The following ADAMTS19 variants were observed in gnomAD, a reference collection of about 807,000 sequenced individuals.
The protein encoded by ADAMTS19 is A disintegrin and metalloproteinase with thrombospondin motifs 19.
ADAMTS19 carries 93 observed loss-of-function variants against 153.3 expected under a neutral mutation model. The ratio of observed to expected loss-of-function variants is 0.61; its 90% confidence interval spans 0.51 to 0.72. The LOEUF (loss-of-function observed/expected upper bound fraction) is 0.72, where lower values mean the gene tolerates loss of function less well. Among genes scored for constraint, ADAMTS19 ranks in the 30% least tolerant of loss-of-function variants. The probability of loss-of-function intolerance (pLI) is 0.00; values close to 1 mark genes in which losing one functional copy is unlikely to be tolerated. For missense variants in ADAMTS19, 1,482 were observed against 1,552.1 expected, an observed-to-expected ratio of 0.95 and a Z score of 0.76; for synonymous variants, 600 against 556.6, an observed-to-expected ratio of 1.08 and a Z score of -1.10.
chr5:129,674,544 T>G (rs1344877478), intron 16 of ADAMTS19, among the ~76,000 whole-genome samples: 2 of 152,196 alleles, frequency 1.3e-5, no homozygotes, highest in Non-Finnish European at 2.9e-5. Context: ...ACTTGCTTAT[T>G]AGCTATAATT....
At chr5:129,611,973 T>G (rs1488672314) in intron 8 of ADAMTS19, among the ~76,000 whole-genome samples, 1 of 151,600 alleles carries the variant, frequency 6.6e-6, no homozygotes, top group African/African-American at 2.4e-5. Flanking sequence ...TTTAATCTAT[T>G]TTATTTTATT....
At position 129,702,934 on chromosome 5, in the gene ADAMTS19, AAAAAAAAATATAT is replaced by A. The variant is rs1191396885; in HGVS notation, c.3160-1303_3160-1291del. 8.5e-3 allele frequency among the ~76,000 whole-genome samples: 1,039 copies of A among 122,850 alleles called. 23 individuals carry two copies. Among genetic ancestry groups the A allele is most frequent in the East Asian group, 0.041 (167 of 4,048 alleles). 80.6% of individuals were successfully genotyped at this position (122,850 alleles called of 152,430 possible). ...TCAGGCATAGTTTGACTTGCCAAAA[AAAAAAAAATATAT>A]ATATATATATATATATATATATATA... On this transcript the variant is annotated intron_variant, in intron 20 of 22. Coordinates refer to ENST00000274487, the MANE Select transcript of ADAMTS19 (RefSeq NM_133638.6).
At chr5:129,510,951 A>G (rs1290345799) in intron 3 of ADAMTS19, among the ~76,000 whole-genome samples, 2 of 151,438 alleles carry the variant, frequency 1.3e-5, no homozygotes, top group Admixed American at 1.3e-4. Context: ...GTGCTAAGCT[A>G]TCATCAGCTA....
chr5:129,467,687 T>C (rs1749915401), intron 2 of ADAMTS19, among the ~76,000 whole-genome samples: 1 of 152,200 alleles, frequency 6.6e-6, no homozygotes, highest in South Asian at 2.1e-4. Context: ...TCCTGGATTA[T>C]ATGGTCACAC....
At position 129,622,519 on chromosome 5, in the gene ADAMTS19, A is replaced by C. The variant is rs532141871; in HGVS notation, c.1770+171A>C. On this transcript the variant is annotated intron_variant, in intron 10 of 22. Coordinates refer to ENST00000274487, the MANE Select transcript of ADAMTS19 (RefSeq NM_133638.6). Reference sequence around the variant, plus strand: ...TTTTTTCTTATACTTTGGAAGCGATAGAAATAAGATGTGAGCATTTAATCA... The same window carrying C: ...TTTTTTCTTATACTTTGGAAGCGATCGAAATAAGATGTGAGCATTTAATCA... 3.0e-3 allele frequency among the ~76,000 whole-genome samples: 452 copies of C among 152,362 alleles called. 4 individuals carry two copies. Among genetic ancestry groups the C allele is most frequent in the African/African-American group, 0.01 (420 of 41,596 alleles).
At chr5:129,510,856 G>GATATATATATATAT (rs60233609) in intron 3 of ADAMTS19, among the ~76,000 whole-genome samples, 237 of 141,118 alleles carry the variant, frequency 1.7e-3, no homozygotes, top group African/African-American at 4.4e-3. Context: ...AAGTTTCTGA[G>GATATATATATATAT]ATATATATAT....
chr5:129,586,782 G>A (rs544295011), intron 7 of ADAMTS19, among the ~76,000 whole-genome samples: 4 of 152,286 alleles, frequency 2.6e-5, no homozygotes, highest in African/African-American at 4.8e-5. Flanking sequence ...AATGAATGAC[G>A]GTTCCTGCTG....
intron 6 of ADAMTS19, among the ~76,000 whole-genome samples, chr5:129,537,391 AC>A (rs1752481697): frequency 6.6e-6 from 1 of 152,194 alleles, no homozygotes; most frequent in South Asian, 2.1e-4. Context: ...ATCTAGAACT[AC>A]AAATACCATT....
At chr5:129,699,710 G>T (rs968542519) in intron 19 of ADAMTS19, among the ~76,000 whole-genome samples, 2 of 152,100 alleles carry the variant, frequency 1.3e-5, no homozygotes, top group Non-Finnish European at 2.9e-5. Flanking sequence ...GGGGCTGGCT[G>T]TCAAGGATCC....
At chr5:129,720,181 T>C (rs1195376615) in intron 21 of ADAMTS19, among the ~76,000 whole-genome samples, 1 of 149,550 alleles carries the variant, frequency 6.7e-6, no homozygotes, top group Admixed American at 6.7e-5. Context: ...TTTATTTTTT[T>C]TTTTTTTGGA....
chr5:129,535,120 A>G (rs1033351720), intron 6 of ADAMTS19, among the ~76,000 whole-genome samples: 1 of 152,190 alleles, frequency 6.6e-6, no homozygotes, highest in Non-Finnish European at 1.5e-5. Flanking sequence ...GAGGAAGTCA[A>G]ATTGTCCCTG....
At chr5:129,631,813 A>C (rs765007324) in intron 10 of ADAMTS19, among the ~76,000 whole-genome samples, 1 of 151,946 alleles carries the variant, frequency 6.6e-6, no homozygotes, top group Non-Finnish European at 1.5e-5. Context: ...ATAACCTTTT[A>C]ATTGAGGTAG....
intron 2 of ADAMTS19, among the ~76,000 whole-genome samples, chr5:129,489,414 CA>C (rs1750695533): frequency 6.6e-6 from 1 of 152,108 alleles, no homozygotes; most frequent in Non-Finnish European, 1.5e-5. Context: ...TCCAGTGCCA[CA>C]TCTTCTTCCT....
intron 16 of ADAMTS19, among the ~76,000 whole-genome samples, chr5:129,678,062 C>G (rs1561643946): frequency 1.3e-5 from 2 of 152,166 alleles, no homozygotes; most frequent in Non-Finnish European, 2.9e-5. Context: ...ATCTGCCCAC[C>G]TTGACCTCCC....
chr5:129,598,434 G>A lies in ADAMTS19; in HGVS notation c.1478+1770G>A, dbSNP rs527869616. ...GAAACAATTTACATTGGACATGACA[G>A]TAGTTGATTTAAAAAGTTATTCAAG... On this transcript the variant is annotated intron_variant, in intron 8 of 22. Transcript: ENST00000274487. 3.3e-5 allele frequency among the ~76,000 whole-genome samples: 5 copies of A among 152,296 alleles called. No individual in the cohort carries two copies. In the East Asian group the frequency reaches 9.7e-4, roughly 29 times the overall value.
intron 2 of ADAMTS19, among the ~76,000 whole-genome samples, chr5:129,487,585 A>T (rs1306484314): frequency 6.6e-6 from 1 of 152,072 alleles, no homozygotes; most frequent in Non-Finnish European, 1.5e-5. Context: ...TTTGTGGATC[A>T]TGATAGTACA....
At chr5:129,503,044 A>G (rs1041142338) in intron 2 of ADAMTS19, among the ~76,000 whole-genome samples, 2 of 152,216 alleles carry the variant, frequency 1.3e-5, no homozygotes, top group African/African-American at 4.8e-5. Context: ...AGAAGGCAGT[A>G]TGTGCAATAT....
chr5:129,596,335 T>A (rs936090574), intron 7 of ADAMTS19, among the ~76,000 whole-genome samples: 7 of 152,066 alleles, frequency 4.6e-5, no homozygotes, highest in African/African-American at 1.7e-4. Context: ...ATTGGTAAAA[T>A]AATTTTATCT....
At chr5:129,494,923 T>C (rs1173242159) in intron 2 of ADAMTS19, among the ~76,000 whole-genome samples, 1 of 152,090 alleles carries the variant, frequency 6.6e-6, no homozygotes, top group Non-Finnish European at 1.5e-5. Flanking sequence ...AAAGCATATG[T>C]AGTGAGAGTA....
Sources: allele counts gnomAD v4.1 joint callset (sites outside exome capture counted in the v4.1 genomes callset), GRCh38; gene constraint gnomAD v4.1.1; transcripts MANE v1.5; gene names NCBI Gene and HGNC (gene_info 2026-07-23, HGNC 2026-07-21).